Variants in NBAS observed in about 807,000 individuals in gnomAD.
NBAS encodes the protein NAG/BC035112 fusion.
NBAS carries 219 observed loss-of-function variants against 302.5 expected under a neutral mutation model. The ratio of observed to expected loss-of-function variants is 0.72; its 90% CI spans 0.65 to 0.81. The LOEUF (loss-of-function observed/expected upper bound fraction) is 0.81, where lower values mean the gene tolerates loss of function less well. Among genes scored for constraint, NBAS ranks in the 30% least tolerant of loss-of-function variants. NBAS has a pLI of 0.00. For missense variants in NBAS, 2,932 were observed against 2,841.6 expected (o/e 1.03, Z -0.72); for synonymous variants, 1,118 against 1,021.6 (o/e 1.09, Z -1.80).
the NBAS span, among the ~76,000 whole-genome samples, chr2:15,070,014 G>T: frequency 6.6e-6 from 1 of 152,058 alleles, no homozygotes; most frequent in Non-Finnish European, 1.5e-5. Context: ...CCATGAGAAT[G>T]TCAGAACTGC....
At chr2:15,324,127 A>T (rs901142068) in intron 38 of NBAS, among the ~76,000 whole-genome samples, 1 of 152,206 alleles carries the variant, frequency 6.6e-6, no homozygotes, top group Non-Finnish European at 1.5e-5. Context: ...TCAGGGTGCC[A>T]TCGGAGAGCA....
chr2:15,240,248 C>T (rs1227333489), intron 44 of NBAS, among the ~76,000 whole-genome samples: 2 of 151,986 alleles, frequency 1.3e-5, no homozygotes, highest in Non-Finnish European at 2.9e-5. Flanking sequence ...TGAGTGACCA[C>T]ACCAGGAGGT....
chr2:15,374,475 G>C, intron 31 of NBAS, 133 bp downstream of exon 31: 1 of 721,228 alleles, frequency 1.4e-6, no homozygotes, highest in Non-Finnish European at 2.4e-6. Context: ...TAAAATAATG[G>C]GTCAAGGGCA....
intron 42 of NBAS, among the ~76,000 whole-genome samples, chr2:15,285,098 A>T (rs376939145): frequency 1.3e-5 from 2 of 152,374 alleles, no homozygotes; most frequent in East Asian, 3.9e-4. Flanking sequence ...TGTGTGTATC[A>T]TAAGAAATAT....
chr2:14,940,098 G>A, the NBAS span, among the ~76,000 whole-genome samples: 1 of 152,076 alleles, frequency 6.6e-6, no homozygotes, highest in Non-Finnish European at 1.5e-5. Flanking sequence ...ACCCCCTACA[G>A]TAGCCACACA....
intron 13 of NBAS, among the ~76,000 whole-genome samples, chr2:15,477,340 C>A (rs895277545): frequency 1.3e-5 from 2 of 152,126 alleles, no homozygotes; most frequent in East Asian, 3.9e-4. Flanking sequence ...CGGCTCACTG[C>A]AACCTCTGCC....
chr2:15,380,935 G>C (rs35164642), intron 29 of NBAS, among the ~76,000 whole-genome samples: 94,662 of 151,474 alleles, frequency 0.62, 30,297 homozygotes, highest in Middle Eastern at 0.68. Context: ...ACAAGTCTTG[G>C]TAAGATATCT....
At chr2:15,016,263 A>G in the NBAS span, among the ~76,000 whole-genome samples, 13 of 152,138 alleles carry the variant, frequency 8.5e-5, no homozygotes, top group African/African-American at 3.1e-4. Flanking sequence ...ATCCCGTGAG[A>G]CTTATTCACC....
the NBAS span, among the ~76,000 whole-genome samples, chr2:14,984,552 A>G: frequency 7.2e-5 from 11 of 152,230 alleles, no homozygotes; most frequent in Admixed American, 3.9e-4. Flanking sequence ...TAAGTGAACT[A>G]CTTTAGAGGT....
At chr2:15,231,891 G>A (rs1045246559) in intron 47 of NBAS, among the ~76,000 whole-genome samples, 3 of 152,080 alleles carry the variant, frequency 2.0e-5, no homozygotes, top group Non-Finnish European at 4.4e-5. Context: ...TTCATTTGTG[G>A]TTGCTCTTTT....
At chr2:15,251,277 G>A (rs1349108736) in intron 44 of NBAS, among the ~76,000 whole-genome samples, 1 of 152,160 alleles carries the variant, frequency 6.6e-6, no homozygotes, top group Admixed American at 6.5e-5. Flanking sequence ...TGGACACAGG[G>A]AAGGGAACAT....
the NBAS span, among the ~76,000 whole-genome samples, chr2:14,847,747 A>G: frequency 6.6e-6 from 1 of 152,200 alleles, no homozygotes; most frequent in Non-Finnish European, 1.5e-5. Flanking sequence ...CCAACGAAGA[A>G]ACATCTGACT....
the NBAS span, among the ~76,000 whole-genome samples, chr2:14,795,339 T>A: frequency 6.6e-6 from 1 of 152,176 alleles, no homozygotes; most frequent in Admixed American, 6.5e-5. Context: ...TGCATTTACA[T>A]AATATCTAAT....
the NBAS span, among the ~76,000 whole-genome samples, chr2:14,882,757 G>A: frequency 6.6e-6 from 1 of 152,216 alleles, no homozygotes; most frequent in African/African-American, 2.4e-5. Flanking sequence ...TGATGGGAAA[G>A]AGTTGTGCCT....
chr2:15,371,695 T>C (rs912900153), intron 31 of NBAS, among the ~76,000 whole-genome samples: 1 of 152,166 alleles, frequency 6.6e-6, no homozygotes, highest in Admixed American at 6.5e-5. Context: ...AGTCATAGAA[T>C]GTGCCTTGTC....
At chr2:15,550,056 C>A (rs1664304271) in intron 6 of NBAS, among the ~76,000 whole-genome samples, 1 of 151,902 alleles carries the variant, frequency 6.6e-6, no homozygotes, top group African/African-American at 2.4e-5. Context: ...CCCAGCTACT[C>A]AGGAGGCTGA....
the NBAS span, among the ~76,000 whole-genome samples, chr2:14,857,813 C>T: frequency 1.2e-4 from 18 of 152,082 alleles, no homozygotes; most frequent in Admixed American, 6.5e-4. Flanking sequence ...AAAACAAAAA[C>T]GGACAAATTG....
the NBAS span, among the ~76,000 whole-genome samples, chr2:15,032,805 G>C: frequency 1.3e-5 from 2 of 152,172 alleles, no homozygotes; most frequent in African/African-American, 4.8e-5. Flanking sequence ...AAGGAATGAA[G>C]GAAGGTTATC....
chr2:15,308,105 C>T, intron 40 of NBAS, 111 bp downstream of exon 40: 3 of 1,517,562 alleles, frequency 2.0e-6, no homozygotes, highest in East Asian at 2.3e-5. Flanking sequence ...ACTTGGAATA[C>T]ATTCTGGATA....
Sources: gnomAD v4.1 joint callset for allele counts (sites outside exome capture counted in the v4.1 genomes callset) on GRCh38, gnomAD v4.1.1 for gene constraint, MANE v1.5 for transcripts, NCBI Gene and HGNC (gene_info 2026-07-23, HGNC 2026-07-21) for gene names.